PLCH1: variants seen among roughly 807,000 people sequenced by gnomAD.
PLCH1 encodes the protein phospholipase C eta 1, also known as 1-phosphatidylinositol 4,5-bisphosphate phosphodiesterase eta-1.
PLCH1 carries 60 observed loss-of-function variants against 126.7 expected under a neutral mutation model. The ratio of observed to expected loss-of-function variants is 0.47; its 90% CI spans 0.38 to 0.59. The LOEUF is 0.59. PLCH1 is among the 20% of genes least tolerant of loss of function. The probability of loss-of-function intolerance (pLI) is 0.00; values close to 1 mark genes in which losing one functional copy is unlikely to be tolerated. For missense variants in PLCH1, 1,723 were observed against 2,040.0 expected, an observed-to-expected ratio of 0.84 and a Z score of 2.99; for synonymous variants, 719 against 734.9, an observed-to-expected ratio of 0.98 and a Z score of 0.35.
intron 2 of PLCH1, among the ~76,000 whole-genome samples, chr3:155,603,916 A>G (rs1295403843): frequency 6.6e-6 from 1 of 152,082 alleles, no homozygotes; most frequent in East Asian, 1.9e-4. Flanking sequence ...AGGACCACAT[A>G]GGGAGACCTG....
chr3:155,610,389 A>C (rs1490474359), intron 2 of PLCH1, among the ~76,000 whole-genome samples: 1 of 108,912 alleles, frequency 9.2e-6, no homozygotes, highest in Non-Finnish European at 1.8e-5. Flanking sequence ...AAAAAAAAAA[A>C]CCATCACCTA....
Position 155,628,549 on chromosome 3 carries a change from CTTTTT to C in PLCH1, c.80-32176_80-32172del, listed in dbSNP as rs56820929. ...CCCCATGCTTTGGATCTTCACCTCT[CTTTTT>C]TTTTTTTTTTTTGAGTTGGGGGAGG... On this transcript the variant is annotated intron_variant, in intron 2 of 22. Coordinates refer to ENST00000460012, the MANE Select transcript of PLCH1 (RefSeq NM_014996.4). Among the ~76,000 whole-genome samples, 689 of 143,410 alleles carry C rather than the reference CTTTTT, an allele frequency of 4.8e-3. 8 individuals are homozygous for C. Among genetic ancestry groups the C allele is most frequent in the African/African-American group, 0.016 (624 of 39,924 alleles). 94.1% of individuals were successfully genotyped at this position (143,410 alleles called of 152,430 possible). A position where few individuals can be genotyped will look rare whatever the true frequency, so the allele number is the denominator to read the frequency against.
chr3:155,721,838 G>A (rs145716621), intron 1 of PLCH1, among the ~76,000 whole-genome samples: 3 of 151,990 alleles, frequency 2.0e-5, no homozygotes, highest in South Asian at 2.1e-4. Flanking sequence ...ACCTGAAGTC[G>A]GGAGTTCAAG....
chr3:155,576,189 G>A (rs761302200), intron 6 of PLCH1, among the ~76,000 whole-genome samples: 1 of 152,090 alleles, frequency 6.6e-6, no homozygotes, highest in Non-Finnish European at 1.5e-5. Context: ...GATGTAGGTG[G>A]TTGTTTGGCA....
rs373369428 is a variant in PLCH1 at position 155,494,257 on chromosome 3, G to A, written c.2075-9C>T. On this transcript the variant is annotated splice_polypyrimidine_tract_variant and intron_variant, in intron 16 of 22. Coordinates refer to ENST00000460012, the MANE Select transcript of PLCH1 (RefSeq NM_014996.4). ...TTGATAATTCAGTGCCACTGTGCAA[G>A]TTGAAAGTGGGAGAGAATTAGGCAA... The A allele has an allele frequency of 4.2e-5, 67 of 1,612,310 alleles. 1 individual carries two copies. Among genetic ancestry groups the A allele is most frequent in the African/African-American group, 8.0e-5 (6 of 74,874 alleles).
intron 2 of PLCH1, among the ~76,000 whole-genome samples, chr3:155,680,654 G>A (rs1319318006): frequency 6.6e-6 from 1 of 152,152 alleles, no homozygotes; most frequent in Admixed American, 6.6e-5. Context: ...CATCAGGCAA[G>A]ATGCAGCAAG....
At chr3:155,673,605 T>C (rs1182793255) in intron 2 of PLCH1, among the ~76,000 whole-genome samples, 1 of 152,212 alleles carries the variant, frequency 6.6e-6, no homozygotes, top group Non-Finnish European at 1.5e-5. Context: ...TCTCATGATC[T>C]GGGAATTGGA....
chr3:155,538,603 C>G (rs953683628), intron 10 of PLCH1, among the ~76,000 whole-genome samples: 1 of 152,028 alleles, frequency 6.6e-6, no homozygotes, highest in African/African-American at 2.4e-5. Context: ...AAAGTTCATT[C>G]AAGGATACTA....
At position 155,693,487 on chromosome 3, in the gene PLCH1, A is replaced by G. The variant is rs1372285112; in HGVS notation, c.79+10659T>C. ...ACTCCGTCTCAAAAAAAAAAAAAAAAAAAAAAAAGAAAGCACAGACTTAAA... is the reference window on the plus strand; with the variant it reads ...ACTCCGTCTCAAAAAAAAAAAAAAAGAAAAAAAAGAAAGCACAGACTTAAA... On this transcript the variant is annotated intron_variant, in intron 2 of 22. Coordinates refer to ENST00000460012, the MANE Select transcript of PLCH1 (RefSeq NM_014996.4). 4.6e-4 allele frequency among the ~76,000 whole-genome samples: 15 copies of G among 32,454 alleles called. 7 individuals are homozygous for G. In the African/African-American group the frequency reaches 0.012, roughly 27 times the overall value. The allele number at this position is 32,454 out of a possible 152,430, so 21.3% of individuals were successfully genotyped here. A position where few individuals can be genotyped will look rare whatever the true frequency, so the allele number is the denominator to read the frequency against.
chr3:155,600,393 C>T (rs1733560360), intron 2 of PLCH1, among the ~76,000 whole-genome samples: 1 of 152,140 alleles, frequency 6.6e-6, no homozygotes, highest in Non-Finnish European at 1.5e-5. Flanking sequence ...TTGGTAGATT[C>T]CATAAAAGAG....
intron 12 of PLCH1, among the ~76,000 whole-genome samples, chr3:155,511,918 A>G (rs1719594040): frequency 6.6e-6 from 1 of 152,146 alleles, no homozygotes; most frequent in Non-Finnish European, 1.5e-5. Context: ...TACCTAAGCA[A>G]GCCTGGGCAA....
rs570872280 is a variant in PLCH1 at position 155,469,390 on chromosome 3, C to T, written c.2938+15966G>A. On this transcript the variant is annotated intron_variant, in intron 21 of 21. Transcript: ENST00000494598. The stretch of plus-strand genomic sequence containing the variant: ...GACCGGCCTAAAAAACGGTGCACCA[C>T]GAGATTATATCCCGCACCTGGCTCG... Among the ~76,000 whole-genome samples, 183 of 152,322 alleles carry T rather than the reference C, an allele frequency of 1.2e-3. 4 individuals are homozygous for T. Among genetic ancestry groups the T allele is most frequent in the African/African-American group, 4.2e-3 (175 of 41,570 alleles).
chr3:155,506,280 T>C (rs1255097575), intron 12 of PLCH1, among the ~76,000 whole-genome samples: 1 of 151,798 alleles, frequency 6.6e-6, no homozygotes, highest in Non-Finnish European at 1.5e-5. Flanking sequence ...GGATTCTGTC[T>C]AGCTACAAGT....
chr3:155,516,393 C>T (rs1720314652), intron 11 of PLCH1, among the ~76,000 whole-genome samples: 1 of 152,196 alleles, frequency 6.6e-6, no homozygotes, highest in Non-Finnish European at 1.5e-5. Context: ...AAGGGCTTTC[C>T]TGCCAACCAC....
chr3:155,531,674 T>C (rs1040315779), intron 10 of PLCH1, among the ~76,000 whole-genome samples: 12 of 152,200 alleles, frequency 7.9e-5, no homozygotes, highest in Admixed American at 7.8e-4. Flanking sequence ...TCATCAATTA[T>C]CTTAGCTAAA....
At chr3:155,479,005 C>A (rs77468307), downstream of PLCH1, among the ~76,000 whole-genome samples, 1,601 of 152,258 alleles carry the variant, frequency 0.011, 24 homozygotes, top group African/African-American at 0.036. Context: ...CATTCCCAAC[C>A]TATTTTCTGA....
intron 1 of PLCH1, among the ~76,000 whole-genome samples, chr3:155,712,969 C>G (rs1347580792): frequency 6.9e-6 from 1 of 145,290 alleles, no homozygotes; most frequent in Non-Finnish European, 1.5e-5. Context: ...ATGATTTACA[C>G]AATTTTCCAT....
At chr3:155,547,512 C>A (rs1212732095) in intron 10 of PLCH1, among the ~76,000 whole-genome samples, 1 of 147,600 alleles carries the variant, frequency 6.8e-6, no homozygotes, top group Admixed American at 6.8e-5. Context: ...ACTAGAAATA[C>A]CATTTGACCC....
intron 18 of PLCH1, 117 bp from the exon 19 acceptor site, chr3:155,490,985 C>T: frequency 1.6e-6 from 1 of 609,250 alleles, no homozygotes. Context: ...TTACAAGGTG[C>T]TTAGTAAGAA....
Sources: allele counts gnomAD v4.1 joint callset (sites outside exome capture counted in the v4.1 genomes callset), GRCh38; gene constraint gnomAD v4.1.1; transcripts MANE v1.5; gene names NCBI Gene and HGNC (gene_info 2026-07-23, HGNC 2026-07-21).